The following CNIH3 variants were observed in gnomAD, a reference collection of about 807,000 sequenced individuals.
CNIH3 encodes cornichon family AMPA receptor auxiliary protein 3.
A neutral mutation model predicts 24.1 loss-of-function variants in CNIH3; 14 were observed. That is an observed-to-expected ratio of 0.58 (90% confidence interval 0.38 to 0.91). The LOEUF (loss-of-function observed/expected upper bound fraction) is 0.91, where lower values mean the gene tolerates loss of function less well. Among genes scored for constraint, CNIH3 ranks in the 40% least tolerant of loss-of-function variants. CNIH3 has a pLI of 0.00. For synonymous variants in CNIH3, 68 were observed against 73.8 expected, an observed-to-expected ratio of 0.92 and a Z score of 0.40; for missense variants, 178 against 196.8, an observed-to-expected ratio of 0.90 and a Z score of 0.57.
At chr1:224,695,851 A>C (rs1270413708) in intron 3 of CNIH3, among the ~76,000 whole-genome samples, 1 of 152,220 alleles carries the variant, frequency 6.6e-6, no homozygotes, top group African/African-American at 2.4e-5. Context: ...TCAGCAATAA[A>C]GATTTAGGGA....
At chr1:224,442,213 G>C (rs1674949176) in intron 1 of CNIH3, among the ~76,000 whole-genome samples, 1 of 151,794 alleles carries the variant, frequency 6.6e-6, no homozygotes, top group South Asian at 2.1e-4. Context: ...GTCTCCCCAT[G>C]TTGCCCAGGC....
At chr1:224,508,591 A>G in intron 1 of CNIH3, among the ~76,000 whole-genome samples, 1 of 152,196 alleles carries the variant, frequency 6.6e-6, no homozygotes, top group East Asian at 1.9e-4. Flanking sequence ...TATTCCATAA[A>G]ACATCTTGCC....
At chr1:224,463,773 ATTTTTTTTTTT>A (rs56137320) in intron 1 of CNIH3, among the ~76,000 whole-genome samples, 13 of 20,702 alleles carry the variant, frequency 6.3e-4, no homozygotes, top group African/African-American at 3.3e-3. Flanking sequence ...AATTGTCCTC[ATTTTTTTTTTT>A]TTTTTTTTTT....
At chr1:224,654,355 C>T (rs1270993065) in intron 1 of CNIH3, among the ~76,000 whole-genome samples, 1 of 152,120 alleles carries the variant, frequency 6.6e-6, no homozygotes, top group African/African-American at 2.4e-5. Flanking sequence ...GCACTCCAGC[C>T]TAGGCAACAG....
chr1:224,683,273 C>G (rs1686490318), intron 2 of CNIH3, among the ~76,000 whole-genome samples: 1 of 152,168 alleles, frequency 6.6e-6, no homozygotes, highest in African/African-American at 2.4e-5. Context: ...AGAATAAAGA[C>G]TCTAGGTGCC....
chr1:224,454,077 G>A (rs895785193), intron 1 of CNIH3, among the ~76,000 whole-genome samples: 8 of 152,118 alleles, frequency 5.3e-5, no homozygotes, highest in Admixed American at 2.0e-4. Flanking sequence ...CCTCTCTTCC[G>A]TTTGCTGAAA....
At chr1:224,661,645 G>A (rs1173949802) in intron 1 of CNIH3, 1 of 295,902 alleles carries the variant, frequency 3.4e-6, no homozygotes, top group African/African-American at 2.2e-5. Context: ...TTGTCAAAAT[G>A]ACTTCCGCCA....
At chr1:224,482,059 T>G (rs1033465939) in intron 1 of CNIH3, among the ~76,000 whole-genome samples, 19 of 152,170 alleles carry the variant, frequency 1.2e-4, no homozygotes, top group African/African-American at 4.6e-4. Context: ...ATACTGCGGA[T>G]GTTCATTTAA....
intron 1 of CNIH3, among the ~76,000 whole-genome samples, chr1:224,636,045 A>G (rs1684073980): frequency 6.6e-6 from 1 of 152,190 alleles, no homozygotes; most frequent in African/African-American, 2.4e-5. Context: ...CGTTTAAGAA[A>G]ACAAAAATCA....
intron 1 of CNIH3, among the ~76,000 whole-genome samples, chr1:224,488,085 G>A (rs1677097212): frequency 6.6e-6 from 1 of 151,752 alleles, no homozygotes; most frequent in African/African-American, 2.4e-5. Flanking sequence ...TACTAGTTGA[G>A]AATCTAGTAT....
At chr1:224,444,067 A>G (rs558895280) in intron 1 of CNIH3, among the ~76,000 whole-genome samples, 1 of 152,302 alleles carries the variant, frequency 6.6e-6, no homozygotes, top group East Asian at 1.9e-4. Flanking sequence ...CCATCCAGCT[A>G]TGATAGCTAT....
chr1:224,438,291 C>T (rs1361940379), intron 1 of CNIH3, among the ~76,000 whole-genome samples: 3 of 151,322 alleles, frequency 2.0e-5, no homozygotes, highest in South Asian at 2.1e-4. Flanking sequence ...CTCTTGAGCT[C>T]GAGCAATCCT....
chr1:224,707,384 C>T (rs1194455652), intron 3 of CNIH3, among the ~76,000 whole-genome samples: 1 of 152,118 alleles, frequency 6.6e-6, no homozygotes, highest in Non-Finnish European at 1.5e-5. Flanking sequence ...CACCCTCAAC[C>T]TCAAATAACG....
At chr1:224,482,010 C>G (rs1453502732) in intron 1 of CNIH3, among the ~76,000 whole-genome samples, 1 of 152,172 alleles carries the variant, frequency 6.6e-6, no homozygotes, top group Non-Finnish European at 1.5e-5. Context: ...GGAGTCTCTC[C>G]TCATGCACCA....
intron 1 of CNIH3, among the ~76,000 whole-genome samples, chr1:224,641,085 A>G (rs1297706980): frequency 2.6e-5 from 4 of 152,144 alleles, no homozygotes; most frequent in Non-Finnish European, 4.4e-5. Flanking sequence ...TTTCAGTATA[A>G]TTGGGATGTG....
intron 1 of CNIH3, among the ~76,000 whole-genome samples, chr1:224,638,090 T>C (rs1393267432): frequency 6.6e-6 from 1 of 152,234 alleles, no homozygotes; most frequent in Non-Finnish European, 1.5e-5. Context: ...AAGAAAAGGC[T>C]CATGCAGCGA....
At chr1:224,727,137 C>T (rs541812635) in intron 3 of CNIH3, among the ~76,000 whole-genome samples, 3 of 152,226 alleles carry the variant, frequency 2.0e-5, no homozygotes, top group South Asian at 4.2e-4. Flanking sequence ...CTGCCGGCCT[C>T]GATGGCTTGT....
At chr1:224,579,305 G>A (rs367745376) in intron 4 of CNIH3, among the ~76,000 whole-genome samples, 5 of 152,062 alleles carry the variant, frequency 3.3e-5, no homozygotes, top group Non-Finnish European at 5.9e-5. Flanking sequence ...CTCAAATGCC[G>A]CAATGAGTCT....
intron 3 of CNIH3, among the ~76,000 whole-genome samples, chr1:224,695,612 A>G (rs1284619146): frequency 2.0e-5 from 3 of 152,192 alleles, no homozygotes; most frequent in African/African-American, 7.2e-5. Context: ...GTCCATGTTC[A>G]CAGTCCTCAA....
Sources: allele counts gnomAD v4.1 joint callset (sites outside exome capture counted in the v4.1 genomes callset), GRCh38; gene constraint gnomAD v4.1.1; transcripts MANE v1.5; gene names NCBI Gene and HGNC (gene_info 2026-07-23, HGNC 2026-07-21).